Variants in CT55 observed in about 807,000 individuals in gnomAD.
CT55 encodes cancer/testis antigen 55.
Under a neutral mutation model 12.6 loss-of-function variants are expected in CT55, and 1 was observed. The ratio of observed to expected loss-of-function variants is 0.08; its 90% CI spans 0.03 to 0.38. The LOEUF (loss-of-function observed/expected upper bound fraction) is 0.38, where lower values mean the gene tolerates loss of function less well. CT55 is among the 10% of genes least tolerant of loss of function. The pLI is 0.99. For synonymous variants in CT55, 43 were observed against 49.7 expected (o/e 0.87, Z 0.57); for missense variants, 109 against 135.4 (o/e 0.80, Z 0.97).
intron 3 of CT55, 144 bp from the exon 4 acceptor site, chrX:135,158,455 C>CA (rs1454197431): frequency 4.2e-5 from 17 of 409,320 alleles, no homozygotes; most frequent in Non-Finnish European, 7.2e-5. Flanking sequence ...ACAGACACTA[C>CA]AAATCTCTAA....
intron 2 of CT55, among the ~76,000 whole-genome samples, chrX:135,164,934 A>C (rs2083576931): frequency 8.9e-6 from 1 of 112,208 alleles, no homozygotes; most frequent in African/African-American, 3.2e-5. Context: ...TATATGAAGC[A>C]GACATTAAGG....
In CT55 at chrX:135,169,613, T is replaced by C; in HGVS notation, c.260A>G (p.Tyr87Cys). The C allele has an allele frequency of 8.3e-7, 1 of 1,208,275 alleles. No individual in the cohort carries two copies. The highest frequency in any genetic ancestry group is 1.1e-6 in the Non-Finnish European group (1 of 893,574). The change falls in exon 2 of 6, where the codon TAT (tyrosine) becomes TGT (cysteine). Residue 87 changes from tyrosine (Y) to cysteine (C), a missense_variant. By Grantham distance (194) the Tyr-to-Cys change is radical. Transcript: ENST00000276241. ...NVVVEEDKPH[Y>C]GLRAIKVDVV... ...TCTCACCTTGATTGCTCTCAATCCA[T>C]AATGTGGTTTATCTTCTTCCACAAC...
intron 3 of CT55, among the ~76,000 whole-genome samples, chrX:135,158,519 C>T (rs1556404570): frequency 8.9e-6 from 1 of 112,446 alleles, no homozygotes; most frequent in Non-Finnish European, 1.9e-5. Flanking sequence ...ACTGATTTAA[C>T]AAATTTAAAT....
In CT55 at chrX:135,171,223, G is replaced by C. The variant is rs373761800; in HGVS notation, c.-52C>G. On this transcript the variant is annotated 5_prime_UTR_variant, in exon 1 of 6. Coordinates refer to ENST00000276241, the MANE Select transcript of CT55 (RefSeq NM_001031705.3). ...GCACCGCTTGTGGCAGATGAAGCAC[G>C]AGGCCTCCTCAGTAAGGGAAGCCCT... The C allele has an allele frequency of 1.7e-6, 2 of 1,203,110 alleles. No homozygotes were observed. The highest frequency in any genetic ancestry group is 3.5e-5 in the African/African-American group (2 of 57,085).
chrX:135,159,313 T>C (rs1452433610), intron 3 of CT55, among the ~76,000 whole-genome samples: 1 of 110,927 alleles, frequency 9.0e-6, no homozygotes, highest in East Asian at 2.8e-4. Flanking sequence ...AAAATGTATA[T>C]GCCTCCAGTT....
intron 3 of CT55, among the ~76,000 whole-genome samples, chrX:135,158,827 C>T (rs1197737694): frequency 4.5e-5 from 5 of 112,289 alleles, no homozygotes; most frequent in African/African-American, 9.7e-5. Flanking sequence ...ATGTGTGATA[C>T]GCACAGAATC....
At chrX:135,161,859 G>A (rs782004865) in intron 2 of CT55, among the ~76,000 whole-genome samples, 172 of 112,549 alleles carry the variant, frequency 1.5e-3, no homozygotes, top group African/African-American at 5.4e-3. Context: ...GAAGGAATGA[G>A]GCATTAGCCT....
intron 2 of CT55, among the ~76,000 whole-genome samples, chrX:135,168,638 T>C (rs1338179565): frequency 5.4e-5 from 6 of 111,827 alleles, no homozygotes; most frequent in Admixed American, 1.9e-4. Context: ...GAAAATGTTC[T>C]AAAGTTGATT....
At chrX:135,166,143 A>G (rs1421901992) in intron 2 of CT55, among the ~76,000 whole-genome samples, 1 of 110,018 alleles carries the variant, frequency 9.1e-6, no homozygotes, top group Non-Finnish European at 1.9e-5. Flanking sequence ...AGGAAACAGA[A>G]AGAAGAGAAA....
intron 2 of CT55, among the ~76,000 whole-genome samples, chrX:135,168,787 A>G (rs1556406350): frequency 1.8e-5 from 2 of 111,976 alleles, no homozygotes; most frequent in Non-Finnish European, 3.8e-5. Context: ...AAGGAAAAAG[A>G]TGGTATCAGA....
intron 2 of CT55, among the ~76,000 whole-genome samples, chrX:135,162,242 TATAA>T (rs1448928512): frequency 1.8e-5 from 2 of 112,728 alleles, no homozygotes; most frequent in African/African-American, 6.5e-5. Context: ...TATGTTTAGA[TATAA>T]ATAAATGAAT....
At chrX:135,160,336 T>C (rs1221792231) in intron 3 of CT55, 75 bp downstream of exon 3, 12 of 1,059,480 alleles carry the variant, frequency 1.1e-5, no homozygotes, top group Admixed American at 7.5e-5. Flanking sequence ...AAGTACACTG[T>C]AAAAGTTGTT....
intron 2 of CT55, among the ~76,000 whole-genome samples, chrX:135,161,918 C>G (rs1410267141): frequency 4.4e-5 from 5 of 112,509 alleles, no homozygotes; most frequent in African/African-American, 1.6e-4. Flanking sequence ...AGTGGATGAT[C>G]CACAGCACCC....
At chrX:135,164,841 C>T (rs1458216322) in intron 2 of CT55, among the ~76,000 whole-genome samples, 5 of 112,165 alleles carry the variant, frequency 4.5e-5, no homozygotes, top group Non-Finnish European at 1.9e-5. Context: ...AGACCAAGAT[C>T]ATTATAGAAT....
chrX:135,169,937 C>T (rs5978102), intron 1 of CT55, among the ~76,000 whole-genome samples, 159 bp from the exon 2 acceptor site: 83 of 111,713 alleles, frequency 7.4e-4, no homozygotes, highest in African/African-American at 2.4e-3. Flanking sequence ...CACAATTTCG[C>T]CTAATAGGGT....
chrX:135,167,985 C>T (rs1398045511), intron 2 of CT55, among the ~76,000 whole-genome samples: 5 of 111,226 alleles, frequency 4.5e-5, no homozygotes, highest in African/African-American at 6.5e-5. Context: ...GCTTTATGCA[C>T]GGTTGGTGGG....
At chrX:135,159,963 C>T (rs782188907) in intron 3 of CT55, among the ~76,000 whole-genome samples, 1 of 110,952 alleles carries the variant, frequency 9.0e-6, no homozygotes, top group Admixed American at 9.6e-5. Flanking sequence ...AACAGACAAC[C>T]ACAAGGCGCT....
chrX:135,166,897 G>T (rs557142947), intron 2 of CT55, among the ~76,000 whole-genome samples: 19 of 111,926 alleles, frequency 1.7e-4, no homozygotes, highest in African/African-American at 5.8e-4. Flanking sequence ...AACCAAGGAG[G>T]TGAAGGATTG....
chrX:135,161,720 C>T (rs1297810835), intron 2 of CT55, among the ~76,000 whole-genome samples: 3 of 112,389 alleles, frequency 2.7e-5, no homozygotes, highest in African/African-American at 9.7e-5. Flanking sequence ...AAACTTGAGC[C>T]ACTGAGTTGT....
Sources: gnomAD v4.1 joint callset for allele counts (sites outside exome capture counted in the v4.1 genomes callset) on GRCh38, gnomAD v4.1.1 for gene constraint, MANE v1.5 for transcripts, NCBI Gene and HGNC (gene_info 2026-07-23, HGNC 2026-07-21) for gene names.